PTPRD: variants seen among roughly 807,000 people sequenced by gnomAD.
PTPRD encodes the protein receptor-type tyrosine-protein phosphatase delta.
In PTPRD, 34 loss-of-function variants were observed where a neutral mutation model predicts 214.5. That is an observed-to-expected ratio of 0.16 (90% CI 0.12 to 0.21). PTPRD has a LOEUF of 0.21. Among genes scored for constraint, PTPRD ranks in the 10% least tolerant of loss-of-function variants. PTPRD has a pLI of 1.00. For missense variants in PTPRD, 2,545 were observed against 2,398.7 expected, an observed-to-expected ratio of 1.06 and a Z score of -1.27; for synonymous variants, 1,128 against 845.7, an observed-to-expected ratio of 1.33 and a Z score of -5.79.
intron 10 of PTPRD, among the ~76,000 whole-genome samples, chr9:9,026,614 A>G (rs1263265088): frequency 2.6e-5 from 4 of 152,008 alleles, no homozygotes; most frequent in East Asian, 3.9e-4. Flanking sequence ...TCATCTTTTA[A>G]GCCCGAAGTT....
chr9:9,764,173 T>C (rs2098687509), intron 6 of PTPRD, among the ~76,000 whole-genome samples: 1 of 152,192 alleles, frequency 6.6e-6, no homozygotes, highest in African/African-American at 2.4e-5. Flanking sequence ...ATATGACACA[T>C]AATTATTTAT....
intron 9 of PTPRD, among the ~76,000 whole-genome samples, chr9:9,329,038 G>A (rs1302944668): frequency 6.6e-6 from 1 of 151,820 alleles, no homozygotes; most frequent in East Asian, 1.9e-4. Context: ...TTATCTTTTT[G>A]TTCTTTGAGA....
intron 11 of PTPRD, among the ~76,000 whole-genome samples, chr9:8,967,699 T>C (rs1191951680): frequency 6.6e-6 from 1 of 152,116 alleles, no homozygotes; most frequent in Admixed American, 6.6e-5. Flanking sequence ...CTTACTGAAA[T>C]ATACGTATGT....
chr9:9,754,495 G>C (rs1346837543), intron 6 of PTPRD, among the ~76,000 whole-genome samples: 1 of 151,988 alleles, frequency 6.6e-6, no homozygotes, highest in African/African-American at 2.4e-5. Context: ...ATAAATAATA[G>C]CAGTTCTTGA....
At chr9:9,224,076 A>G (rs1369704779) in intron 9 of PTPRD, among the ~76,000 whole-genome samples, 2 of 151,990 alleles carry the variant, frequency 1.3e-5, no homozygotes. Flanking sequence ...TTCTATAAAG[A>G]CTACTCAAAG....
chr9:8,947,215 G>A (rs1425393148), intron 11 of PTPRD, among the ~76,000 whole-genome samples: 2 of 151,516 alleles, frequency 1.3e-5, no homozygotes, highest in Non-Finnish European at 2.9e-5. Context: ...TGTAATCCTA[G>A]CACTTTGGGA....
At chr9:8,999,830 C>G (rs888595068) in intron 11 of PTPRD, among the ~76,000 whole-genome samples, 1 of 151,864 alleles carries the variant, frequency 6.6e-6, no homozygotes, top group Admixed American at 6.6e-5. Context: ...TTTTGATGAC[C>G]GCAGTCTGTA....
chr9:9,241,898 T>G (rs537174595), intron 9 of PTPRD, among the ~76,000 whole-genome samples: 1 of 152,034 alleles, frequency 6.6e-6, no homozygotes, highest in Non-Finnish European at 1.5e-5. Context: ...AGATGTTAGG[T>G]GGTTATTTTG....
At chr9:9,403,673 T>G (rs1326937898) in intron 8 of PTPRD, among the ~76,000 whole-genome samples, 1 of 152,110 alleles carries the variant, frequency 6.6e-6, no homozygotes, top group African/African-American at 2.4e-5. Context: ...GATAATTTAT[T>G]AATTTTTTTA....
intron 9 of PTPRD, among the ~76,000 whole-genome samples, chr9:9,264,126 C>A (rs977029612): frequency 6.6e-6 from 1 of 151,536 alleles, no homozygotes; most frequent in African/African-American, 2.4e-5. Context: ...GGATTTAATG[C>A]AAAAACTTCA....
chr9:8,687,343 GA>G (rs2097701757), intron 12 of PTPRD, among the ~76,000 whole-genome samples: 1 of 152,158 alleles, frequency 6.6e-6, no homozygotes, highest in Non-Finnish European at 1.5e-5. Flanking sequence ...TATGAGGAAT[GA>G]AAAAACTCTT....
At chr9:9,128,372 C>T (rs1440381671) in intron 10 of PTPRD, among the ~76,000 whole-genome samples, 1 of 152,148 alleles carries the variant, frequency 6.6e-6, no homozygotes, top group African/African-American at 2.4e-5. Flanking sequence ...CACATACTGT[C>T]CAAGTATTAG....
rs1567089304 is a variant in PTPRD at position 8,933,339 on chromosome 9, G to GTTTTT, written c.-104+85357_-104+85358insAAAAA. On this transcript the variant is annotated intron_variant, in intron 11 of 45. Coordinates refer to ENST00000381196, the MANE Select transcript of PTPRD (RefSeq NM_002839.4). ...GCCATCTTGCCAGCCACAACCTTGA[G>GTTTTT]GTTTTTTTTTTTTTTTTTTTTTTTA... 2.8e-4 allele frequency among the ~76,000 whole-genome samples: 19 copies of GTTTTT among 68,800 alleles called. 2 individuals carry two copies. Among genetic ancestry groups the GTTTTT allele is most frequent in the South Asian group, 9.5e-4 (2 of 2,112 alleles). The allele number at this position is 68,800 out of a possible 152,430, so 45.1% of individuals were successfully genotyped here.
intron 10 of PTPRD, among the ~76,000 whole-genome samples, chr9:9,052,786 G>C (rs566773026): frequency 3.3e-5 from 5 of 152,174 alleles, no homozygotes; most frequent in African/African-American, 7.2e-5. Flanking sequence ...AGCTGCATTA[G>C]GAATTTTATG....
chr9:9,208,545 A>T (rs548101263), intron 9 of PTPRD, among the ~76,000 whole-genome samples: 14 of 152,060 alleles, frequency 9.2e-5, no homozygotes, highest in African/African-American at 3.4e-4. Context: ...TAATATTTAC[A>T]TATTTATCAA....
intron 3 of PTPRD, among the ~76,000 whole-genome samples, chr9:10,172,208 T>C (rs978707637): frequency 3.9e-5 from 6 of 152,128 alleles, no homozygotes; most frequent in Admixed American, 1.3e-4. Flanking sequence ...TTATCGTCTG[T>C]TTTTTGTTAG....
chr9:8,904,404 G>A (rs1414570127), intron 11 of PTPRD, among the ~76,000 whole-genome samples: 6 of 152,148 alleles, frequency 3.9e-5, no homozygotes, highest in African/African-American at 1.4e-4. Context: ...AGATGCAGTG[G>A]CTCATGCCTT....
At chr9:9,370,740 C>A (rs990861342) in intron 9 of PTPRD, among the ~76,000 whole-genome samples, 1 of 152,050 alleles carries the variant, frequency 6.6e-6, no homozygotes, top group Non-Finnish European at 1.5e-5. Context: ...ATGATATTGG[C>A]GGTGGGTTTG....
chr9:9,344,769 A>G (rs1325336715), intron 9 of PTPRD, among the ~76,000 whole-genome samples: 1 of 152,052 alleles, frequency 6.6e-6, no homozygotes, highest in African/African-American at 2.4e-5. Flanking sequence ...TTTATTTTGA[A>G]AAAGTTTTAT....
Sources: allele counts gnomAD v4.1 joint callset (sites outside exome capture counted in the v4.1 genomes callset), GRCh38; gene constraint gnomAD v4.1.1; transcripts MANE v1.5; gene names NCBI Gene and HGNC (gene_info 2026-07-23, HGNC 2026-07-21).